The following LRP5 variants were observed in gnomAD, a reference collection of about 807,000 sequenced individuals.
The protein encoded by LRP5 is LDL receptor related protein 5.
LRP5 carries 62 observed loss-of-function variants against 154.1 expected under a neutral mutation model. The observed-to-expected ratio is 0.40, with a 90% CI of 0.33 to 0.50. LRP5 has a LOEUF of 0.50. LRP5 is among the 20% of genes least tolerant of loss of function. The pLI, the probability that LRP5 is intolerant of heterozygous loss-of-function variation, is 0.55. For missense variants in LRP5, 1,915 were observed against 2,336.7 expected, an observed-to-expected ratio of 0.82 and a Z score of 3.72; for synonymous variants, 966 against 1,011.5, an observed-to-expected ratio of 0.96 and a Z score of 0.85.
At chr11:68,351,941 C>T (rs1386651354) in intron 2 of LRP5, among the ~76,000 whole-genome samples, 1 of 152,056 alleles carries the variant, frequency 6.6e-6, no homozygotes, top group Non-Finnish European at 1.5e-5. Flanking sequence ...AGTGCAAAGG[C>T]CCTGGGCTGG....
At chr11:68,335,321 A>G (rs1429646819) in intron 1 of LRP5, among the ~76,000 whole-genome samples, 2 of 151,710 alleles carry the variant, frequency 1.3e-5, no homozygotes, top group African/African-American at 4.8e-5. Context: ...TGAACCTCCC[A>G]CCTTGGCCTC....
At chr11:68,432,839 C>T (rs914325477) in intron 17 of LRP5, among the ~76,000 whole-genome samples, 2 of 152,238 alleles carry the variant, frequency 1.3e-5, no homozygotes, top group African/African-American at 4.8e-5. Context: ...CTCTGCTATT[C>T]CCTGAGTGCT....
chr11:68,411,690 C>G lies in LRP5; in HGVS notation c.2503+70C>G, dbSNP rs528928992. 7 of 1,496,464 alleles carry G rather than the reference C, an allele frequency of 4.7e-6. No homozygotes were observed. In the South Asian group the frequency reaches 7.6e-5, roughly 16 times the overall value. The allele number at this position is 1,496,464 out of a possible 1,614,324, so 92.7% of individuals were successfully genotyped here. On this transcript the variant is annotated intron_variant, in intron 11 of 22. Coordinates refer to ENST00000294304, the MANE Select transcript of LRP5 (RefSeq NM_002335.4). ...CCGGGCGTTGGCCACCTCCCAGCCT[C>G]GCCGCACATACCCTGTGGCCTGCAA...
Position 68,351,092 on chromosome 11 carries a change from G to A in LRP5, c.488+2849G>A, listed in dbSNP as rs185723168. Among the ~76,000 whole-genome samples, 6 of 152,194 alleles carry A rather than the reference G, an allele frequency of 3.9e-5. No individual in the cohort carries two copies. In the East Asian group the frequency reaches 9.6e-4, roughly 24 times the overall value. On this transcript the variant is annotated intron_variant, in intron 2 of 22. Coordinates refer to ENST00000294304, the MANE Select transcript of LRP5 (RefSeq NM_002335.4). Reference sequence around the variant, plus strand: ...TGCATCTGAACCAGTCTGTGTGTAAGTATGGGGTACCAGCAGGGGTGGGAC... The same window carrying A: ...TGCATCTGAACCAGTCTGTGTGTAAATATGGGGTACCAGCAGGGGTGGGAC...
chr11:68,335,132 A>G (rs2098604965), intron 1 of LRP5, among the ~76,000 whole-genome samples: 2 of 147,056 alleles, frequency 1.4e-5, no homozygotes, highest in Admixed American at 6.8e-5. Flanking sequence ...GCTGGAATGC[A>G]GTGGTACAAT....
At chr11:68,368,776 T>C (rs191323265) in intron 5 of LRP5, among the ~76,000 whole-genome samples, 3 of 152,298 alleles carry the variant, frequency 2.0e-5, no homozygotes, top group African/African-American at 7.2e-5. Flanking sequence ...TTTCACTTTA[T>C]GCACTGCAGA....
At chr11:68,356,489 C>T (rs1256146604) in intron 2 of LRP5, among the ~76,000 whole-genome samples, 1 of 152,102 alleles carries the variant, frequency 6.6e-6, no homozygotes, top group African/African-American at 2.4e-5. Context: ...TGTAGGTTCA[C>T]AGCAAAATTG....
intron 22 of LRP5, 61 bp downstream of exon 22, chr11:68,446,594 G>C: frequency 7.1e-7 from 1 of 1,404,692 alleles, no homozygotes; most frequent in African/African-American, 1.4e-5. Context: ...TGGTGGAGGG[G>C]CCTAATCCCC....
At chr11:68,315,019 C>CGG (rs1263192402) in intron 1 of LRP5, among the ~76,000 whole-genome samples, 18 of 152,146 alleles carry the variant, frequency 1.2e-4, no homozygotes, top group African/African-American at 4.1e-4. Flanking sequence ...CTCACACACA[C>CGG]GGGTGGGGGA....
chr11:68,320,751 G>A (rs999099378), intron 1 of LRP5, among the ~76,000 whole-genome samples: 1 of 152,072 alleles, frequency 6.6e-6, no homozygotes, highest in Non-Finnish European at 1.5e-5. Flanking sequence ...CATAAGCCAC[G>A]GTGCCAGCCT....
At chr11:68,422,076 C>T (rs762746873) in intron 13 of LRP5, among the ~76,000 whole-genome samples, 21 of 151,936 alleles carry the variant, frequency 1.4e-4, no homozygotes, top group African/African-American at 4.1e-4. Context: ...TGTAGGCGTG[C>T]GTCACCATAC....
chr11:68,324,331 C>T (rs1470922178), intron 1 of LRP5, among the ~76,000 whole-genome samples: 1 of 152,242 alleles, frequency 6.6e-6, no homozygotes, highest in Non-Finnish European at 1.5e-5. Flanking sequence ...GAGCTGCGTC[C>T]ACAGGGGAGG....
chr11:68,390,631 G>A (rs376337805), intron 7 of LRP5, among the ~76,000 whole-genome samples: 34 of 147,992 alleles, frequency 2.3e-4, no homozygotes, highest in Admixed American at 2.0e-3. Context: ...GCCTCGTCCC[G>A]TGGACGCAGC....
chr11:68,306,216 A>T, the LRP5 span, among the ~76,000 whole-genome samples: 1 of 151,668 alleles, frequency 6.6e-6, no homozygotes, highest in Non-Finnish European at 1.5e-5. Context: ...GCTCACTGCA[A>T]CCTCCGCCTC....
chr11:68,417,820 A>G (rs2098663438), intron 13 of LRP5, among the ~76,000 whole-genome samples: 1 of 151,642 alleles, frequency 6.6e-6, no homozygotes, highest in African/African-American at 2.4e-5. Flanking sequence ...CTGTAATCCC[A>G]GCTACTCAGG....
intron 1 of LRP5, among the ~76,000 whole-genome samples, chr11:68,313,446 A>T (rs1187107413): frequency 6.6e-6 from 1 of 151,990 alleles, no homozygotes; most frequent in Non-Finnish European, 1.5e-5. Context: ...CGCGGAGGTG[A>T]CGTGGTCCCA....
chr11:68,315,293 T>C (rs1440881313), intron 1 of LRP5, among the ~76,000 whole-genome samples: 1 of 152,252 alleles, frequency 6.6e-6, no homozygotes, highest in Non-Finnish European at 1.5e-5. Context: ...GTCCTCGATC[T>C]TTCTGGCCCC....
chr11:68,351,209 C>T (rs1340433000), intron 2 of LRP5, among the ~76,000 whole-genome samples: 2 of 152,206 alleles, frequency 1.3e-5, no homozygotes, highest in East Asian at 1.9e-4. Flanking sequence ...CCCCCGGCCT[C>T]CCAGGGGTGC....
At chr11:68,372,391 TGAG>T (rs1397016933) in intron 5 of LRP5, among the ~76,000 whole-genome samples, 3 of 4,712 alleles carry the variant, frequency 6.4e-4, no homozygotes, top group Admixed American at 2.4e-3. Flanking sequence ...GTGGTGGTGT[TGAG>T]GAGGTGCAGT....
Sources: allele counts gnomAD v4.1 joint callset (sites outside exome capture counted in the v4.1 genomes callset), GRCh38; gene constraint gnomAD v4.1.1; transcripts MANE v1.5; gene names NCBI Gene and HGNC (gene_info 2026-07-23, HGNC 2026-07-21).